ICA1L: variants seen among roughly 807,000 people sequenced by gnomAD.
The protein encoded by ICA1L is islet cell autoantigen 1-like protein.
A neutral mutation model predicts 61.3 loss-of-function variants in ICA1L; 50 were observed. That is an observed-to-expected ratio of 0.82 (90% CI 0.65 to 1.03). ICA1L has a LOEUF of 1.03. ICA1L is among the 50% of genes least tolerant of loss of function. The pLI, the probability that ICA1L is intolerant of heterozygous loss-of-function variation, is 0.00. For missense variants in ICA1L, 508 were observed against 556.7 expected, an observed-to-expected ratio of 0.91 and a Z score of 0.88; for synonymous variants, 161 against 191.3, an observed-to-expected ratio of 0.84 and a Z score of 1.31.
At position 202,821,419 on chromosome 2, in the gene ICA1L, T is replaced by C; in HGVS notation, c.298A>G (p.Thr100Ala). Residue 100 changes from threonine to alanine, a missense_variant, in exon 4 of 13, where the codon ACT (threonine) becomes GCT (alanine). Coordinates refer to ENST00000358299, the MANE Select transcript of ICA1L (RefSeq NM_001288622.3). ...FLKFQAERDA[T>A]QAGKMMDATG... ...GCATCCATCATTTTGCCAGCTTGAG[T>C]TGCATCCCGTTCTGCTTGAAATTTT... The C allele has an allele frequency of 6.2e-7, 1 of 1,613,452 alleles. No homozygotes were observed. The highest frequency in any genetic ancestry group is 1.1e-5 in the South Asian group (1 of 90,996).
intron 3 of ICA1L, chr2:202,825,482 T>C: frequency 3.9e-6 from 5 of 1,274,618 alleles, no homozygotes; most frequent in Non-Finnish European, 5.0e-6. Flanking sequence ...AGAAAAAAAA[T>C]ATCAGCAAAA....
chr2:202,847,601 T>G (rs1470323955), intron 1 of ICA1L, among the ~76,000 whole-genome samples: 1 of 150,714 alleles, frequency 6.6e-6, no homozygotes, highest in Non-Finnish European at 1.5e-5. Flanking sequence ...ATATGTAAAG[T>G]GCTTGGAATA....
At chr2:202,843,269 A>T (rs1404754365) in intron 1 of ICA1L, among the ~76,000 whole-genome samples, 4 of 151,976 alleles carry the variant, frequency 2.6e-5, no homozygotes, top group Admixed American at 2.0e-4. Context: ...GGCTAGTTTC[A>T]TTGTGGACTG....
intron 9 of ICA1L, 57 bp downstream of exon 9, chr2:202,811,689 A>G (rs1385556951): frequency 1.8e-6 from 2 of 1,117,190 alleles, no homozygotes; most frequent in Non-Finnish European, 2.7e-6. Context: ...AGGCTGTGAT[A>G]AACTATTTTG....
intron 6 of ICA1L, 81 bp from the exon 7 acceptor site, chr2:202,816,090 G>T (rs1693525414): frequency 2.4e-6 from 2 of 834,722 alleles, no homozygotes; most frequent in Admixed American, 3.3e-5. Flanking sequence ...TACTAGTTTA[G>T]TAGATGAACA....
intron 9 of ICA1L, among the ~76,000 whole-genome samples, chr2:202,805,156 T>C (rs571593178): frequency 1.3e-5 from 2 of 151,934 alleles, no homozygotes; most frequent in Non-Finnish European, 2.9e-5. Flanking sequence ...GTCCAGAAAA[T>C]ACAAATTCAT....
chr2:202,857,406 G>C lies in ICA1L; in HGVS notation c.-8+14213C>G, dbSNP rs183504383. ...GTCCCTATTTAATAAATGGTGTGGG[G>C]AAAACTGGCTAACCATATGCAGAAA... On this transcript the variant is annotated intron_variant, in intron 1 of 12. Transcript: ENST00000358299. 3.3e-5 allele frequency among the ~76,000 whole-genome samples: 5 copies of C among 152,260 alleles called. No individual in the cohort carries two copies. The East Asian group carries it at 9.6e-4, about 29-fold the overall frequency.
At chr2:202,843,876 A>G (rs1296178822) in intron 1 of ICA1L, among the ~76,000 whole-genome samples, 1 of 152,228 alleles carries the variant, frequency 6.6e-6, no homozygotes, top group Non-Finnish European at 1.5e-5. Context: ...TACTTTTGAC[A>G]AATGGATATC....
intron 1 of ICA1L, among the ~76,000 whole-genome samples, chr2:202,852,612 G>A (rs13385337): frequency 0.33 from 47,720 of 144,950 alleles, 8,365 homozygotes; most frequent in East Asian, 0.6. Context: ...AGAGCTTGCA[G>A]TGAGCCGAGA....
intron 1 of ICA1L, among the ~76,000 whole-genome samples, chr2:202,861,401 CAAAAA>C (rs61240847): frequency 4.6e-5 from 1 of 21,732 alleles, no homozygotes; most frequent in Non-Finnish European, 6.9e-5. Context: ...GAGACTATCT[CAAAAA>C]AAAAAAAAAA....
At chr2:202,798,129 A>ACTATT (rs1574334915) in intron 9 of ICA1L, among the ~76,000 whole-genome samples, 2 of 152,330 alleles carry the variant, frequency 1.3e-5, no homozygotes, top group East Asian at 3.9e-4. Context: ...AAGGCTGAAT[A>ACTATT]GTATTCCATT....
At chr2:202,828,131 G>A (rs1693898498) in intron 2 of ICA1L, among the ~76,000 whole-genome samples, 1 of 152,016 alleles carries the variant, frequency 6.6e-6, no homozygotes, top group South Asian at 2.1e-4. Flanking sequence ...GGGAATGGTG[G>A]TACATGCCTG....
rs551043197 is a variant in ICA1L, at chr2:202,773,828, G to C, written c.*5705C>G. 6 of 1,377,552 alleles carry C rather than the reference G, an allele frequency of 4.4e-6. No homozygotes were observed. In the African/African-American group the frequency reaches 8.5e-5, roughly 20 times the overall value. The allele number at this position is 1,377,552 out of a possible 1,614,324, so 85.3% of individuals were successfully genotyped here. A position where few individuals can be genotyped will look rare whatever the true frequency, so the allele number is the denominator to read the frequency against. On this transcript the variant is annotated 3_prime_UTR_variant, in exon 13 of 13. Transcript: ENST00000358299. ...GGCTGTAAAAGCAAAGGCTAGCTGT[G>C]CAAGTGCAGCCCTGTGGGAAGTTTT...
Position 202,788,863 on chromosome 2 carries a change from C to CAA in ICA1L, c.1208_1209dup (p.Asp404LeufsTer40), listed in dbSNP as rs1247106987. 6.2e-7 allele frequency: 1 copy of CAA among 1,613,834 alleles called. No homozygotes were observed. The highest frequency in any genetic ancestry group is 1.7e-5 in the Admixed American group (1 of 59,964). ...GCTCCAGCCACATGAAAGCCAAGGT[C>CAA]AAAGAGTTGTGAAGGAAGGAATCGA... On this transcript the variant is annotated frameshift_variant, in exon 11 of 13. Coordinates refer to ENST00000358299, the MANE Select transcript of ICA1L (RefSeq NM_001288622.3). LOFTEE classifies it high-confidence loss of function.
intron 9 of ICA1L, among the ~76,000 whole-genome samples, chr2:202,798,301 C>T (rs1692993693): frequency 6.6e-6 from 1 of 152,082 alleles, no homozygotes; most frequent in African/African-American, 2.4e-5. Context: ...GATCAGAGCT[C>T]ACTACAGCCT....
At chr2:202,842,631 G>A (rs545628224) in intron 1 of ICA1L, among the ~76,000 whole-genome samples, 8 of 152,092 alleles carry the variant, frequency 5.3e-5, no homozygotes, top group Admixed American at 6.6e-5. Context: ...GTGTAATCTT[G>A]TTCAGGTTGA....
At chr2:202,840,718 C>T in intron 1 of ICA1L, 2 of 599,502 alleles carry the variant, frequency 3.3e-6, no homozygotes, top group South Asian at 2.9e-5. Flanking sequence ...CAGCCTCCAG[C>T]TCGGAGAGCT....
chr2:202,854,678 T>A (rs1559149244), intron 1 of ICA1L, among the ~76,000 whole-genome samples: 1 of 151,918 alleles, frequency 6.6e-6, no homozygotes, highest in Admixed American at 6.6e-5. Context: ...AGAACAGAAA[T>A]CATAAAAAAC....
At chr2:202,806,010 C>G (rs576435984) in intron 9 of ICA1L, among the ~76,000 whole-genome samples, 1 of 152,076 alleles carries the variant, frequency 6.6e-6, no homozygotes, top group Non-Finnish European at 1.5e-5. Context: ...TTCTTTTATC[C>G]GTATGATCTA....
Sources: gnomAD v4.1 joint callset for allele counts (sites outside exome capture counted in the v4.1 genomes callset) on GRCh38, gnomAD v4.1.1 for gene constraint, MANE v1.5 for transcripts, NCBI Gene and HGNC (gene_info 2026-07-23, HGNC 2026-07-21) for gene names.